Variants in VWF observed in about 807,000 individuals in gnomAD.
The protein encoded by VWF is Factor VIII related antigen.
Under a neutral mutation model 308.6 loss-of-function variants are expected in VWF, and 176 were observed. The ratio of observed to expected loss-of-function variants is 0.57; its 90% confidence interval spans 0.50 to 0.65. The LOEUF (loss-of-function observed/expected upper bound fraction) is 0.65, where lower values mean the gene tolerates loss of function less well. Ranked by LOEUF, VWF falls within the 30% of genes least tolerant of loss-of-function variation. VWF has a pLI of 0.00. For synonymous variants in VWF, 1,385 were observed against 1,443.4 expected, an observed-to-expected ratio of 0.96 and a Z score of 0.92; for missense variants, 3,146 against 3,648.2, an observed-to-expected ratio of 0.86 and a Z score of 3.55.
At position 5,948,953 on chromosome 12, in the gene VWF, A is replaced by G. The variant is rs1591826520; in HGVS notation, c.*62T>C. ...GCAGAACATGCAGAGGACTGGCAGC[A>G]CTCTGGCCTGGCCATCAGGCCAAGG... is the stretch of plus-strand genomic sequence containing the variant. On this transcript the variant is annotated 3_prime_UTR_variant, in exon 52 of 52. Transcript: ENST00000261405. The surrounding 1 kb of genome is among the most constrained non-coding windows in gnomAD (Gnocchi z 4.4). 1 of 1,552,324 alleles carries G rather than the reference A, an allele frequency of 6.4e-7. No individual in the cohort carries two copies. The highest frequency in any genetic ancestry group is 2.1e-4 in the Middle Eastern group (1 of 4,702).
chr12:6,059,652 AC>A (rs1565848068), intron 13 of VWF, among the ~76,000 whole-genome samples: 12 of 152,086 alleles, frequency 7.9e-5, no homozygotes, highest in Non-Finnish European at 1.3e-4. Flanking sequence ...TTAAAAGGGC[AC>A]AAATCTCATT....
chr12:6,094,638 T>C (rs1945084781), intron 6 of VWF, among the ~76,000 whole-genome samples: 1 of 152,110 alleles, frequency 6.6e-6, no homozygotes, highest in African/African-American at 2.4e-5. Context: ...AGTGATGAAG[T>C]CCTGAGGGCT....
rs774724224 is a variant in VWF at position 5,969,311 on chromosome 12, T to A, written c.7629A>T (p.Gln2543His). 8 of 1,614,160 alleles carry A rather than the reference T, an allele frequency of 5.0e-6. No individual in the cohort carries two copies. In the South Asian group the frequency reaches 8.8e-5, roughly 18 times the overall value. The part of the protein sequence containing the change: ...CVRVKEEVFI[Q>H]QRNVSCPQLE... Reference sequence around the variant, plus strand: ...GCTGGGGGCAGGAGACGTTCCTTTGTTGTATAAAGACCTCCTCCTTCACTC... The same window carrying A: ...GCTGGGGGCAGGAGACGTTCCTTTGATGTATAAAGACCTCCTCCTTCACTC... Residue 2543 changes from glutamine to histidine, a missense_variant, in exon 45 of 52, where the codon CAA (glutamine) becomes CAT (histidine). Around this residue, in one of 3 missense-constraint regions of VWF, gnomAD observed 989 missense variants for 1,117.4 expected, o/e 0.89. Transcript: ENST00000261405.
chr12:5,968,203 A>C (rs1312378967), intron 45 of VWF, 36 bp from the exon 46 acceptor site: 1 of 1,613,462 alleles, frequency 6.2e-7, no homozygotes, highest in East Asian at 2.2e-5. Context: ...AGAGTGGGCA[A>C]AACACACCCT....
At chr12:6,053,950 G>A (rs1031796187) in intron 15 of VWF, among the ~76,000 whole-genome samples, 1 of 152,234 alleles carries the variant, frequency 6.6e-6, no homozygotes, top group African/African-American at 2.4e-5. Flanking sequence ...GCAGGGTAGA[G>A]GACAGGGAAG....
intron 47 of VWF, among the ~76,000 whole-genome samples, chr12:5,964,250 G>GCATACATACATACATGCATGCATA (rs1943365318): frequency 2.5e-5 from 3 of 122,348 alleles, no homozygotes; most frequent in African/African-American, 7.3e-5. Flanking sequence ...ATACATACAT[G>GCATACATACATACATGCATGCATA]CATACATACA....
chr12:5,951,443 G>C (rs1320765720), intron 50 of VWF, among the ~76,000 whole-genome samples: 1 of 152,198 alleles, frequency 6.6e-6, no homozygotes, highest in East Asian at 1.9e-4. Flanking sequence ...TACTCTGTCA[G>C]GATCATAGAT....
chr12:5,974,627 T>C (rs1204379626), intron 43 of VWF, among the ~76,000 whole-genome samples: 1 of 152,188 alleles, frequency 6.6e-6, no homozygotes, highest in Non-Finnish European at 1.5e-5. Flanking sequence ...TGGACAGGGA[T>C]GAACCACGGA....
intron 10 of VWF, among the ~76,000 whole-genome samples, chr12:6,067,411 G>A (rs1275953845): frequency 1.3e-5 from 2 of 152,146 alleles, no homozygotes; most frequent in African/African-American, 2.4e-5. Flanking sequence ...GGAAAAGAAG[G>A]GTCAACGAGA....
chr12:6,086,494 C>G (rs1436364142), intron 6 of VWF, among the ~76,000 whole-genome samples: 2 of 152,144 alleles, frequency 1.3e-5, no homozygotes, highest in African/African-American at 4.8e-5. Context: ...GGGCCAGGCT[C>G]TCCCCTGACA....
intron 8 of VWF, 129 bp downstream of exon 8, chr12:6,073,490 T>C (rs1944803124): frequency 1.5e-5 from 20 of 1,330,912 alleles, no homozygotes; most frequent in Non-Finnish European, 1.9e-5. Flanking sequence ...ACAAAGACAT[T>C]TAAAAACTTA....
chr12:5,989,612 CTT>C, intron 38 of VWF, among the ~76,000 whole-genome samples: 1 of 152,060 alleles, frequency 6.6e-6, no homozygotes, highest in Non-Finnish European at 1.5e-5. Context: ...TGGATGGAAA[CTT>C]TATACAACTT....
intron 40 of VWF, among the ~76,000 whole-genome samples, chr12:5,984,566 C>T (rs576525886): frequency 6.6e-6 from 1 of 152,230 alleles, no homozygotes; most frequent in South Asian, 2.1e-4. Flanking sequence ...TCCTGCCATG[C>T]TAACCGTAAT....
At chr12:6,029,256 G>T in intron 22 of VWF, 86 bp downstream of exon 22, 1 of 1,578,816 alleles carries the variant, frequency 6.3e-7, no homozygotes, top group Non-Finnish European at 8.7e-7. Context: ...GATTCATAAA[G>T]CAAGTCCTTA....
chr12:6,043,677 G>A (rs1360735581), intron 18 of VWF, among the ~76,000 whole-genome samples: 2 of 152,204 alleles, frequency 1.3e-5, no homozygotes, highest in East Asian at 1.9e-4. Context: ...GCCAGGAGTC[G>A]CAAACCAGCA....
At chr12:5,955,904 A>G (rs11063953) in intron 47 of VWF, among the ~76,000 whole-genome samples, 39,130 of 152,092 alleles carry the variant, frequency 0.26, 5,374 homozygotes, top group South Asian at 0.33. Context: ...AAGACAGATC[A>G]ATAGAAATTA....
chr12:5,991,113 G>A (rs1943736660), intron 38 of VWF, among the ~76,000 whole-genome samples: 1 of 151,156 alleles, frequency 6.6e-6, no homozygotes, highest in South Asian at 2.1e-4. Context: ...TTGTATTTAT[G>A]AGTGACACAG....
intron 19 of VWF, among the ~76,000 whole-genome samples, chr12:6,035,757 TC>T (rs1944329293): frequency 6.6e-6 from 1 of 152,308 alleles, no homozygotes; most frequent in South Asian, 2.1e-4. Flanking sequence ...GAGGTCCCTG[TC>T]TTCCCTGGGG....
intron 6 of VWF, among the ~76,000 whole-genome samples, chr12:6,080,171 G>T (rs530050288): frequency 6.6e-6 from 1 of 152,284 alleles, no homozygotes; most frequent in South Asian, 2.1e-4. Flanking sequence ...GTACTGAAAT[G>T]GTCCATTTCT....
Sources: allele counts gnomAD v4.1 joint callset (sites outside exome capture counted in the v4.1 genomes callset), GRCh38; gene constraint gnomAD v4.1.1; regional missense constraint gnomAD v4.1.1; non-coding constraint Gnocchi (gnomAD v3.1); transcripts MANE v1.5; gene names NCBI Gene and HGNC (gene_info 2026-07-23, HGNC 2026-07-21).